The following TALDO1 variants were observed in gnomAD, a reference collection of about 807,000 sequenced individuals.
TALDO1 encodes the protein transaldolase.
A neutral mutation model predicts 38.1 loss-of-function variants in TALDO1; 29 were observed. The observed-to-expected ratio is 0.76, with a 90% CI of 0.57 to 1.04. The LOEUF is 1.04. Among genes scored for constraint, TALDO1 ranks in the 50% least tolerant of loss-of-function variants. The pLI is 0.00. For synonymous variants in TALDO1, 207 were observed against 176.8 expected, an observed-to-expected ratio of 1.17 and a Z score of -1.36; for missense variants, 499 against 438.1, an observed-to-expected ratio of 1.14 and a Z score of -1.24.
At chr11:763,597 C>A (rs1862993602) in intron 5 of TALDO1, 78 bp downstream of exon 5, 2 of 1,594,496 alleles carry the variant, frequency 1.3e-6, no homozygotes, top group Non-Finnish European at 1.7e-6. Context: ...CGAGACGGAG[C>A]TGCCGCATCA....
At chr11:759,548 C>T (rs1231819088) in intron 3 of TALDO1, among the ~76,000 whole-genome samples, 5 of 152,156 alleles carry the variant, frequency 3.3e-5, no homozygotes, top group Non-Finnish European at 7.4e-5. Flanking sequence ...GCATGAGCCA[C>T]TGTGCCCGGC....
chr11:763,126 T>C (rs114085662), intron 4 of TALDO1, among the ~76,000 whole-genome samples: 2,650 of 148,914 alleles, frequency 0.018, 73 homozygotes, highest in African/African-American at 0.061. Context: ...CTTTTTAGTT[T>C]AAGGCCCGTG....
At chr11:749,377 G>T (rs1225177985) in intron 1 of TALDO1, among the ~76,000 whole-genome samples, 8 of 146,600 alleles carry the variant, frequency 5.5e-5, no homozygotes, top group Non-Finnish European at 1.2e-4. Flanking sequence ...ACTCCAGCCT[G>T]GGCGACAGAG....
At position 764,973 on chromosome 11, in the gene TALDO1, T is replaced by C; in HGVS notation, c.*128T>C. ...GACAGATCATAGATTTCTGATTTTA[T>C]GTAAAATTTTGCCTAATACATTAAA... On this transcript the variant is annotated 3_prime_UTR_variant, in exon 8 of 8. Coordinates refer to ENST00000319006, the MANE Select transcript of TALDO1 (RefSeq NM_006755.2). 1 of 1,354,550 alleles carries C rather than the reference T, an allele frequency of 7.4e-7. No individual in the cohort carries two copies. 83.9% of individuals were successfully genotyped at this position (1,354,550 alleles called of 1,614,324 possible).
Position 760,311 on chromosome 11 carries a change from G to T in TALDO1, c.461+58G>T. 1.9e-6 allele frequency: 3 copies of T among 1,605,888 alleles called. No individual in the cohort carries two copies. In the Admixed American group the frequency reaches 5.0e-5, roughly 27 times the overall value. ...GAGATTTTTCCTCTGTTGGAGCAGG[G>T]TCTACATGGCATCAGGCAAGTTTGA... is the stretch of plus-strand genomic sequence containing the variant. On this transcript the variant is annotated intron_variant, in intron 4 of 7. Transcript: ENST00000319006.
At chr11:747,747 G>T (rs1213883342) in intron 1 of TALDO1, among the ~76,000 whole-genome samples, 169 bp downstream of exon 1, 3 of 152,182 alleles carry the variant, frequency 2.0e-5, no homozygotes, top group East Asian at 1.9e-4. Context: ...AGGGACAGCC[G>T]TGAGGGGAGC....
At chr11:763,323 T>TCACCTGCCCCGCCCA in intron 4 of TALDO1, 21 bp from the exon 5 acceptor site, 1 of 1,193,990 alleles carries the variant, frequency 8.4e-7, no homozygotes, top group Non-Finnish European at 1.1e-6. Flanking sequence ...TGCCCCGCCC[T>TCACCTGCCCCGCCCA]CACCTGTCCC....
At chr11:763,299 TCCCCGCCCTCACCTGC>T in intron 4 of TALDO1, 29 bp from the exon 5 acceptor site, 2 of 637,332 alleles carry the variant, frequency 3.1e-6, no homozygotes, top group Middle Eastern at 4.6e-4. Context: ...CCCTCACCTG[TCCCCGCCCTCACCTGC>T]CCCGCCCTCA....
At chr11:761,335 CAA>C (rs71022968) in intron 4 of TALDO1, among the ~76,000 whole-genome samples, 13 of 82,056 alleles carry the variant, frequency 1.6e-4, no homozygotes, top group Admixed American at 3.0e-4. Flanking sequence ...GACTCCATCT[CAA>C]AAAAAAAAAA....
Position 747,533 on chromosome 11 carries a change from C to A in TALDO1, c.52C>A (p.Leu18Ile), listed in dbSNP as rs1367555339. The change falls in exon 1 of 8, where the codon CTC (leucine) becomes ATC (isoleucine). Residue 18 changes from leucine to isoleucine, a missense_variant. Physicochemically the swap from Leu to Ile is conservative, Grantham distance 5 (BLOSUM62 2). Coordinates refer to ENST00000319006, the MANE Select transcript of TALDO1 (RefSeq NM_006755.2). Reference protein sequence around the residue: ...RQRMESALDQLKQFTTVVADT... With the variant: ...RQRMESALDQIKQFTTVVADT... ...GAGGATGGAGTCCGCGCTGGACCAG[C>A]TCAAGCAGTTCACCACCGTGGTGGC... The A allele has an allele frequency of 6.3e-7, 1 of 1,599,496 alleles. No homozygotes were observed. The highest frequency in any genetic ancestry group is 1.4e-5 in the African/African-American group (1 of 73,158).
In TALDO1 at chr11:763,365, C is replaced by T; in HGVS notation, c.483C>T (p.Gly161=). ...QAGKELEEQH[G]IHCNMTLLFS... ...GCAGGGAGCTCGAGGAGCAGCACGGCATCCACTGCAACATGACGTTACTCT... is the reference window on the plus strand; with the variant it reads ...GCAGGGAGCTCGAGGAGCAGCACGGTATCCACTGCAACATGACGTTACTCT... The change falls in exon 5 of 8, where the codon GGC becomes GGT. Residue 161 remains glycine, a synonymous_variant. Coordinates refer to ENST00000319006, the MANE Select transcript of TALDO1 (RefSeq NM_006755.2). 2 of 1,608,674 alleles carry T rather than the reference C, an allele frequency of 1.2e-6. No homozygotes were observed. The highest frequency in any genetic ancestry group is 1.7e-6 in the Non-Finnish European group (2 of 1,177,236).
At chr11:754,039 C>CA (rs1017617550) in intron 1 of TALDO1, among the ~76,000 whole-genome samples, 1 of 152,000 alleles carries the variant, frequency 6.6e-6, no homozygotes, top group Non-Finnish European at 1.5e-5. Context: ...GGCTGTAGTG[C>CA]AGTGGCACAA....
chr11:763,610 A>G (rs1862993855), intron 5 of TALDO1, 91 bp downstream of exon 5: 4 of 1,584,486 alleles, frequency 2.5e-6, no homozygotes, highest in African/African-American at 1.3e-5. Context: ...CCGCATCAAC[A>G]AGCAGTGAGG....
At chr11:750,890 A>G (rs1041097898) in intron 1 of TALDO1, among the ~76,000 whole-genome samples, 2 of 152,126 alleles carry the variant, frequency 1.3e-5, no homozygotes, top group African/African-American at 4.8e-5. Context: ...ATGGGTGTCA[A>G]TGGCCATAAC....
intron 4 of TALDO1, 137 bp from the exon 5 acceptor site, chr11:763,204 GCCC>G: frequency 9.5e-6 from 1 of 105,124 alleles, no homozygotes; most frequent in Non-Finnish European, 1.7e-5. Flanking sequence ...GCCCTCACCT[GCCC>G]CGCCCTCACC....
At chr11:750,766 A>T (rs1862737237) in intron 1 of TALDO1, among the ~76,000 whole-genome samples, 2 of 152,014 alleles carry the variant, frequency 1.3e-5, no homozygotes, top group African/African-American at 2.4e-5. Context: ...CGGAGCTTGC[A>T]ATGAGCCGAG....
chr11:764,681 C>G, intron 7 of TALDO1, 132 bp from the exon 8 acceptor site: 1 of 1,479,398 alleles, frequency 6.8e-7, no homozygotes, highest in Middle Eastern at 2.1e-4. Flanking sequence ...GTATTGGCCA[C>G]CCTGTGGCCG....
chr11:763,908 A>G lies in TALDO1; in HGVS notation c.799A>G (p.Asn267Asp), dbSNP rs1228478545. 1 of 1,612,364 alleles carries G rather than the reference A, an allele frequency of 6.2e-7. No individual in the cohort carries two copies. The highest frequency in any genetic ancestry group is 1.1e-5 in the South Asian group (1 of 91,070). ...GCTCCTGGGAGAGCTGCTGCAGGAC[A>G]ACGCCAAGCTGGTGCCTGTGCTCTC... ...PKLLGELLQD[N>D]AKLVPVLSAK... The change falls in exon 6 of 8, where the codon AAC (asparagine) becomes GAC (aspartate). Residue 267 changes from asparagine to aspartate, a missense_variant. By Grantham distance (23) the Asn-to-Asp change is conservative. Coordinates refer to ENST00000319006, the MANE Select transcript of TALDO1 (RefSeq NM_006755.2).
rs182853065 is a variant in TALDO1, at chr11:761,136, C to G, written c.461+883C>G. On this transcript the variant is annotated intron_variant, in intron 4 of 7. Coordinates refer to ENST00000319006, the MANE Select transcript of TALDO1 (RefSeq NM_006755.2). ...ATCACCTGAGGTCAGGAGTTCGAGA[C>G]CAGGCTGGCCAAGATAGTGGAACCC... 4.5e-3 allele frequency among the ~76,000 whole-genome samples: 689 copies of G among 152,050 alleles called. 2 individuals are homozygous for G. The highest frequency in any genetic ancestry group is 0.017 in the Middle Eastern group (5 of 294).
Sources: allele counts gnomAD v4.1 joint callset (sites outside exome capture counted in the v4.1 genomes callset), GRCh38; gene constraint gnomAD v4.1.1; transcripts MANE v1.5; gene names NCBI Gene and HGNC (gene_info 2026-07-23, HGNC 2026-07-21).